NKTR: variants seen among roughly 807,000 people sequenced by gnomAD.
NKTR encodes natural killer cell triggering receptor.
A neutral mutation model predicts 156.3 loss-of-function variants in NKTR; 67 were observed. That is an observed-to-expected ratio of 0.43 (90% CI 0.35 to 0.53). The LOEUF is 0.53. Ranked by LOEUF, NKTR falls within the 20% of genes least tolerant of loss-of-function variation. The probability of loss-of-function intolerance (pLI) is 0.01; values close to 1 mark genes in which losing one functional copy is unlikely to be tolerated. For synonymous variants in NKTR, 640 were observed against 596.6 expected (o/e 1.07, Z -1.06); for missense variants, 1,604 against 1,730.9 (o/e 0.93, Z 1.30).
chr3:42,604,686 T>C (rs1190483095), intron 2 of NKTR, among the ~76,000 whole-genome samples: 1 of 104,724 alleles, frequency 9.5e-6, no homozygotes, highest in African/African-American at 3.9e-5. Context: ...TTTTTTTTTT[T>C]TTTTTTTTTT....
chr3:42,608,609 C>T (rs1478416730), intron 2 of NKTR, among the ~76,000 whole-genome samples: 1 of 152,094 alleles, frequency 6.6e-6, no homozygotes, highest in Non-Finnish European at 1.5e-5. Context: ...TATTTCATCA[C>T]GTATGATTGC....
Position 42,637,939 on chromosome 3 carries a change from T to G in NKTR, c.2235T>G (p.Thr745=), listed in dbSNP as rs750943668. 6.2e-7 allele frequency: 1 copy of G among 1,613,840 alleles called. No individual in the cohort carries two copies. Among genetic ancestry groups the G allele is most frequent in the African/African-American group, 1.3e-5 (1 of 74,922 alleles). ...AGTGTAGTAGATCATCTTCATATAC[T>G]TCTATTAGCAGTGATGATGGAAGGC... ...HSQCSRSSSY[T]SISSDDGRRA... The change falls in exon 13 of 17, where the codon ACT becomes ACG. Residue 745 remains threonine (T), a synonymous_variant. Coordinates refer to ENST00000232978, the MANE Select transcript of NKTR (RefSeq NM_005385.4).
chr3:42,638,512 C>T lies in NKTR; in HGVS notation c.2808C>T (p.Ser936=), dbSNP rs1709611403. The change falls in exon 13 of 17, where the codon TCC becomes TCT. Residue 936 remains serine (S), a synonymous_variant. Transcript: ENST00000232978. ...HIKVKPTTKS[S]TNTSLPDDNG... Reference sequence around the variant, plus strand: ...AAGTCAAACCCACAACCAAGTCGTCCACAAATACTTCACTGCCTGATGATA... The same window carrying T: ...AAGTCAAACCCACAACCAAGTCGTCTACAAATACTTCACTGCCTGATGATA... The T allele has an allele frequency of 6.2e-7, 1 of 1,611,300 alleles. No individual in the cohort carries two copies. The highest frequency in any genetic ancestry group is 1.3e-5 in the African/African-American group (1 of 74,698).
chr3:42,608,546 A>G (rs1577427989), intron 2 of NKTR, among the ~76,000 whole-genome samples: 1 of 151,970 alleles, frequency 6.6e-6, no homozygotes, highest in East Asian at 1.9e-4. Context: ...CTCTCTCTAA[A>G]CCCTGCCATT....
chr3:42,606,576 AT>A (rs1157952005), intron 2 of NKTR, among the ~76,000 whole-genome samples: 2 of 152,210 alleles, frequency 1.3e-5, no homozygotes, highest in African/African-American at 4.8e-5. Flanking sequence ...TTCACTCCCT[AT>A]GTATGTATAC....
At chr3:42,621,313 G>A (rs1707883479) in intron 5 of NKTR, 116 bp from the exon 6 acceptor site, 3 of 1,357,412 alleles carry the variant, frequency 2.2e-6, no homozygotes, top group African/African-American at 1.5e-5. Context: ...GTTCAGTCAA[G>A]TTATCTGTAC....
chr3:42,618,443 G>GTTAT (rs1357309054), intron 3 of NKTR, among the ~76,000 whole-genome samples: 2 of 151,510 alleles, frequency 1.3e-5, no homozygotes, highest in African/African-American at 4.9e-5. Context: ...CCTTGATTTT[G>GTTAT]TTATTTATTT....
intron 6 of NKTR, among the ~76,000 whole-genome samples, chr3:42,626,487 C>T (rs895851952): frequency 1.8e-4 from 28 of 152,136 alleles, no homozygotes; most frequent in African/African-American, 6.5e-4. Context: ...TTTGACTGCA[C>T]TTACGCTTTC....
intron 5 of NKTR, chr3:42,620,887 TTG>T: frequency 1.1e-6 from 1 of 948,554 alleles, no homozygotes; most frequent in African/African-American, 1.8e-5. Flanking sequence ...TTAGATAATT[TTG>T]TGATACAATT....
chr3:42,633,728 C>G lies in NKTR; in HGVS notation c.922C>G (p.Pro308Ala). 1 of 1,613,994 alleles carries G rather than the reference C, an allele frequency of 6.2e-7. No homozygotes were observed. The highest frequency in any genetic ancestry group is 8.5e-7 in the Non-Finnish European group (1 of 1,179,918). ...RRDMPVVTAE[P>A]EPKIPDVAPI... ...AGATATGCCTGTTGTTACTGCAGAA[C>G]CTGAACCGTAAGTAGGATGACTAAA... Residue 308 changes from proline (P) to alanine (A), a missense_variant, in exon 10 of 17, where the codon CCT becomes GCT. Physicochemically the swap from Pro to Ala is conservative, Grantham distance 27. Coordinates refer to ENST00000232978, the MANE Select transcript of NKTR (RefSeq NM_005385.4).
chr3:42,640,857 TTCTC>T (rs1709829767), intron 13 of NKTR, among the ~76,000 whole-genome samples: 1 of 152,222 alleles, frequency 6.6e-6, no homozygotes, highest in African/African-American at 2.4e-5. Context: ...TCATGGCCTT[TTCTC>T]TCTGAGTTCC....
intron 6 of NKTR, among the ~76,000 whole-genome samples, chr3:42,625,855 C>T (rs930129337): frequency 2.6e-5 from 4 of 151,998 alleles, no homozygotes; most frequent in African/African-American, 4.8e-5. Context: ...ATGTGACTTA[C>T]GTGCTAGCAA....
At chr3:42,617,385 A>G (rs1380346561) in intron 2 of NKTR, among the ~76,000 whole-genome samples, 185 bp from the exon 3 acceptor site, 1 of 151,606 alleles carries the variant, frequency 6.6e-6, no homozygotes, top group African/African-American at 2.4e-5. Context: ...TTTAACAATA[A>G]CAAATAAAAT....
chr3:42,609,079 G>A (rs529811562), intron 2 of NKTR, among the ~76,000 whole-genome samples: 18 of 151,456 alleles, frequency 1.2e-4, no homozygotes, highest in African/African-American at 4.4e-4. Context: ...AGTGAGCAGA[G>A]ATCATACCAC....
intron 2 of NKTR, chr3:42,612,410 A>T (rs913845775): frequency 2.6e-5 from 4 of 152,124 alleles, no homozygotes; most frequent in Non-Finnish European, 1.5e-5. Context: ...CATAAAAAAA[A>T]TTTTGCCATT....
chr3:42,627,327 C>T, intron 6 of NKTR: 1 of 982,886 alleles, frequency 1.0e-6, no homozygotes, highest in Non-Finnish European at 1.2e-6. Context: ...AAAAAACTTT[C>T]TGCTTTATCT....
chr3:42,607,440 G>C (rs903661989), intron 2 of NKTR, among the ~76,000 whole-genome samples: 3 of 151,982 alleles, frequency 2.0e-5, no homozygotes, highest in Non-Finnish European at 2.9e-5. Context: ...TTACAACTAA[G>C]ATGTGGCTAA....
At chr3:42,601,891 G>A (rs899277935) in intron 2 of NKTR, 1 of 152,112 alleles carries the variant, frequency 6.6e-6, no homozygotes, top group Non-Finnish European at 1.5e-5. Context: ...ATAAAACAAA[G>A]GCCTCTTCCT....
Position 42,604,659 on chromosome 3 carries a change from C to CTTTTTTTTTTTTTTTTTTTTTTT in NKTR, c.58+3612_58+3634dup, listed in dbSNP as rs71072726. ...AATTGTGGATTTATCTATTTCTCTC[C>CTTTTTTTTTTTTTTTTTTTTTTT]TTTTTTTTTTTTTTTTTTTTTTTTT... On this transcript the variant is annotated intron_variant, in intron 2 of 16. Transcript: ENST00000232978. 1.8e-4 allele frequency among the ~76,000 whole-genome samples: 8 copies of CTTTTTTTTTTTTTTTTTTTTTTT among 45,294 alleles called. 4 individuals carry two copies. Among genetic ancestry groups the CTTTTTTTTTTTTTTTTTTTTTTT allele is most frequent in the African/African-American group, 3.9e-4 (4 of 10,240 alleles). The allele number at this position is 45,294 out of a possible 152,430, so 29.7% of individuals were successfully genotyped here. A position where few individuals can be genotyped will look rare whatever the true frequency, so the allele number is the denominator to read the frequency against.
Sources: gnomAD v4.1 joint callset for allele counts (sites outside exome capture counted in the v4.1 genomes callset) on GRCh38, gnomAD v4.1.1 for gene constraint, MANE v1.5 for transcripts, NCBI Gene and HGNC (gene_info 2026-07-23, HGNC 2026-07-21) for gene names.